The following PTPRQ variants were observed in gnomAD, a reference collection of about 807,000 sequenced individuals.
PTPRQ encodes the protein protein tyrosine phosphatase receptor type Q.
In PTPRQ, 199 loss-of-function variants were observed where a neutral mutation model predicts 246.0. The observed-to-expected ratio is 0.81, with a 90% CI of 0.72 to 0.91. PTPRQ has a LOEUF of 0.91. PTPRQ is among the 40% of genes least tolerant of loss of function. The pLI is 0.00. For missense variants in PTPRQ, 2,624 were observed against 2,528.4 expected, an observed-to-expected ratio of 1.04 and a Z score of -0.81; for synonymous variants, 869 against 853.2, an observed-to-expected ratio of 1.02 and a Z score of -0.32.
chr12:80,522,571 A>C (rs909585722), intron 17 of PTPRQ, among the ~76,000 whole-genome samples: 1 of 152,128 alleles, frequency 6.6e-6, no homozygotes, highest in African/African-American at 2.4e-5. Flanking sequence ...TTTTAACGTG[A>C]AGGGCTGTTG....
Position 80,455,578 on chromosome 12 carries a change from C to T in PTPRQ, c.391-1997C>T, listed in dbSNP as rs563614310. Reference sequence around the variant, plus strand: ...TTCTTTTGCATTTATAAAAAAGTCTCGTCCTTTACATAGTTGTTTTTTTTT... The same window carrying T: ...TTCTTTTGCATTTATAAAAAAGTCTTGTCCTTTACATAGTTGTTTTTTTTT... On this transcript the variant is annotated intron_variant, in intron 3 of 44. Transcript: ENST00000644991. 4.1e-4 allele frequency among the ~76,000 whole-genome samples: 57 copies of T among 140,500 alleles called. 1 individual carries two copies. In the South Asian group the frequency reaches 0.012, roughly 29 times the overall value. The allele number at this position is 140,500 out of a possible 152,430, so 92.2% of individuals were successfully genotyped here. A position where few individuals can be genotyped will look rare whatever the true frequency, so the allele number is the denominator to read the frequency against.
chr12:80,461,728 G>GTT (rs150327117), intron 6 of PTPRQ, among the ~76,000 whole-genome samples: 2 of 150,394 alleles, frequency 1.3e-5, no homozygotes, highest in Admixed American at 6.6e-5. Flanking sequence ...ACTAAAGCAT[G>GTT]TTTTTTCTGA....
intron 3 of PTPRQ, among the ~76,000 whole-genome samples, chr12:80,447,888 T>G (rs1892602357): frequency 6.6e-6 from 1 of 152,116 alleles, no homozygotes; most frequent in African/African-American, 2.4e-5. Flanking sequence ...TTTGGGCTCT[T>G]TTTTGGTTTC....
At chr12:80,465,524 A>G (rs1893365188) in intron 6 of PTPRQ, 1 of 152,292 alleles carries the variant, frequency 6.6e-6, no homozygotes, top group Non-Finnish European at 1.5e-5. Context: ...CATCATCCTG[A>G]TACCAAAGCC....
intron 8 of PTPRQ, among the ~76,000 whole-genome samples, chr12:80,473,060 C>G (rs1893701367): frequency 6.6e-6 from 1 of 151,592 alleles, no homozygotes; most frequent in South Asian, 2.1e-4. Context: ...CACACACACA[C>G]ACACACACAC....
intron 35 of PTPRQ, among the ~76,000 whole-genome samples, chr12:80,642,201 C>T (rs1899890120): frequency 6.6e-6 from 1 of 152,176 alleles, no homozygotes; most frequent in African/African-American, 2.4e-5. Context: ...GAGGTTGCTT[C>T]TAACATCTAA....
chr12:80,513,939 C>T (rs1895200901), intron 17 of PTPRQ, among the ~76,000 whole-genome samples: 1 of 152,162 alleles, frequency 6.6e-6, no homozygotes, highest in African/African-American at 2.4e-5. Context: ...CCTGCTGTAG[C>T]TCTGGATGAT....
intron 14 of PTPRQ, among the ~76,000 whole-genome samples, chr12:80,501,904 T>C (rs898741932): frequency 1.2e-4 from 18 of 149,572 alleles, no homozygotes; most frequent in African/African-American, 4.5e-4. Flanking sequence ...GAAAAAATAA[T>C]GGAGAAAAAT....
At chr12:80,536,383 T>C (rs1027716574) in intron 19 of PTPRQ, among the ~76,000 whole-genome samples, 1 of 152,216 alleles carries the variant, frequency 6.6e-6, no homozygotes, top group Non-Finnish European at 1.5e-5. Context: ...TGTAGGCTAA[T>C]GAAGAGGGCA....
intron 33 of PTPRQ, among the ~76,000 whole-genome samples, chr12:80,631,931 C>G (rs1457095568): frequency 6.6e-6 from 1 of 152,098 alleles, no homozygotes; most frequent in South Asian, 2.1e-4. Context: ...AAGTAGTCAT[C>G]ATCATATAGA....
intron 3 of PTPRQ, among the ~76,000 whole-genome samples, chr12:80,450,650 CTT>C (rs1469343951): frequency 2.0e-5 from 3 of 152,056 alleles, no homozygotes; most frequent in African/African-American, 7.3e-5. Flanking sequence ...CGGTTTTTGT[CTT>C]TGATTTTGTT....
intron 35 of PTPRQ, among the ~76,000 whole-genome samples, chr12:80,642,489 T>C (rs1265161358): frequency 6.6e-6 from 1 of 152,204 alleles, no homozygotes; most frequent in East Asian, 1.9e-4. Flanking sequence ...AATGTGCTAA[T>C]GTGGAAAGGC....
intron 25 of PTPRQ, among the ~76,000 whole-genome samples, chr12:80,572,658 AC>A (rs966467075): frequency 2.0e-5 from 3 of 152,120 alleles, no homozygotes; most frequent in African/African-American, 7.2e-5. Context: ...TTCTGTAGAT[AC>A]CCCTTATTAA....
intron 33 of PTPRQ, among the ~76,000 whole-genome samples, chr12:80,630,158 A>T (rs1379833935): frequency 6.6e-6 from 1 of 152,166 alleles, no homozygotes; most frequent in Non-Finnish European, 1.5e-5. Flanking sequence ...TATTTGAATC[A>T]GGATCCAAAT....
chr12:80,449,232 T>G (rs1025006984), intron 3 of PTPRQ, among the ~76,000 whole-genome samples: 10 of 151,666 alleles, frequency 6.6e-5, no homozygotes. Context: ...GTTTGTTTTT[T>G]TCTTGTAAAT....
At chr12:80,644,469 GTTTTT>G (rs374443217) in intron 35 of PTPRQ, among the ~76,000 whole-genome samples, 20 of 151,154 alleles carry the variant, frequency 1.3e-4, no homozygotes, top group Admixed American at 1.1e-3. Context: ...CCATTTAACA[GTTTTT>G]TTTTAAGTTT....
At chr12:80,636,814 A>G (rs966908034) in intron 35 of PTPRQ, among the ~76,000 whole-genome samples, 6 of 152,164 alleles carry the variant, frequency 3.9e-5, no homozygotes, top group African/African-American at 1.4e-4. Flanking sequence ...TTATTATGTC[A>G]TGTTTTTAAA....
At chr12:80,528,454 A>G (rs769342905) in intron 17 of PTPRQ, among the ~76,000 whole-genome samples, 1 of 135,640 alleles carries the variant, frequency 7.4e-6, no homozygotes, top group Non-Finnish European at 1.6e-5. Context: ...AATGAAAGAA[A>G]GAAGTATTGT....
At chr12:80,671,299 A>T (rs949002674) in intron 42 of PTPRQ, among the ~76,000 whole-genome samples, 1 of 152,026 alleles carries the variant, frequency 6.6e-6, no homozygotes, top group Non-Finnish European at 1.5e-5. Flanking sequence ...ATCCCTCCAT[A>T]TAGGTATAAA....
Sources: gnomAD v4.1 joint callset for allele counts (sites outside exome capture counted in the v4.1 genomes callset) on GRCh38, gnomAD v4.1.1 for gene constraint, MANE v1.5 for transcripts, NCBI Gene and HGNC (gene_info 2026-07-23, HGNC 2026-07-21) for gene names.